Variants in P4HA2 observed in about 807,000 individuals in gnomAD.
P4HA2 encodes prolyl 4-hydroxylase subunit alpha 2, also known as prolyl 4-hydroxylase subunit alpha-2.
Under a neutral mutation model 76.9 loss-of-function variants are expected in P4HA2, and 46 were observed. That is an observed-to-expected ratio of 0.60 (90% CI 0.47 to 0.76). The LOEUF is 0.76. P4HA2 is among the 30% of genes least tolerant of loss of function. The pLI, the probability that P4HA2 is intolerant of heterozygous loss-of-function variation, is 0.00. For missense variants in P4HA2, 583 were observed against 669.4 expected (o/e 0.87, Z 1.42); for synonymous variants, 243 against 254.0 (o/e 0.96, Z 0.41).
chr5:132,209,410 G>T lies in P4HA2; in HGVS notation c.710-79C>A, dbSNP rs1174240198. ...CATTTAGAGAAATTATTCTGTAAGG[G>T]TTTCTCTCCCAGCAGCTCACCTGCA... On this transcript the variant is annotated intron_variant, in intron 6 of 14. Coordinates refer to ENST00000360568, the MANE Select transcript of P4HA2 (RefSeq NM_001017974.2). 68 of 1,176,880 alleles carry T rather than the reference G, an allele frequency of 5.8e-5. 1 individual carries two copies. The South Asian group carries it at 9.0e-4, about 16-fold the overall frequency. 72.9% of individuals were successfully genotyped at this position (1,176,880 alleles called of 1,614,324 possible).
At chr5:132,211,589 A>G (rs1475590309) in intron 5 of P4HA2, among the ~76,000 whole-genome samples, 2 of 152,192 alleles carry the variant, frequency 1.3e-5, no homozygotes, top group Non-Finnish European at 2.9e-5. Flanking sequence ...GACAGTAAAC[A>G]CAAGATGAAG....
rs756665007 is a variant in P4HA2, at chr5:132,203,717, C to T, written c.1251+31G>A. 4.2e-6 allele frequency: 6 copies of T among 1,430,106 alleles called. No homozygotes were observed. In the Admixed American group the frequency reaches 1.0e-4, roughly 24 times the overall value. 88.6% of individuals were successfully genotyped at this position (1,430,106 alleles called of 1,614,324 possible). On this transcript the variant is annotated intron_variant, in intron 10 of 14. Transcript: ENST00000360568. ...CATCTAGCCACAAATACCCACTTCCCAACTCCTACAGTCCCAGGTACTATC... is the reference window on the plus strand; with the variant it reads ...CATCTAGCCACAAATACCCACTTCCTAACTCCTACAGTCCCAGGTACTATC...
chr5:132,205,399 C>CA (rs1295170914), intron 8 of P4HA2, among the ~76,000 whole-genome samples: 2 of 152,070 alleles, frequency 1.3e-5, no homozygotes, highest in African/African-American at 2.4e-5. Context: ...AAGAGACAAG[C>CA]AGGGGCTAGG....
intron 5 of P4HA2, among the ~76,000 whole-genome samples, chr5:132,211,931 C>G (rs1433897622): frequency 6.6e-6 from 1 of 152,120 alleles, no homozygotes; most frequent in Non-Finnish European, 1.5e-5. Flanking sequence ...TGCTAATGAC[C>G]AGTAGCTATT....
rs1183551164 is a variant in P4HA2 at position 132,190,311 on chromosome 5, C to T, written c.*2699G>A. On this transcript the variant is annotated 3_prime_UTR_variant, in exon 15 of 15. Transcript: ENST00000360568. ...AGCTGCAAGCTCATCCTTGTAGTCT[C>T]TACTGTTCTACTGTAGCTGCCACTC... 6.6e-6 allele frequency among the ~76,000 whole-genome samples: 1 copy of T among 152,176 alleles called. No individual in the cohort carries two copies. Among genetic ancestry groups the T allele is most frequent in the Non-Finnish European group, 1.5e-5 (1 of 68,036 alleles).
At position 132,209,304 on chromosome 5, in the gene P4HA2, T is replaced by G. The variant is rs201482279; in HGVS notation, c.737A>C (p.Asn246Thr). Residue 246 changes from asparagine (N) to threonine (T), a missense_variant, in exon 7 of 15, where the codon AAT becomes ACT. Asn to Thr is a moderately conservative substitution (Grantham distance 65, BLOSUM62 0). Transcript: ENST00000360568. ...LDPSHERAGG[N>T]LRYFEQLLEE... ...CAATAACTGCTCAAAGTACCGCAGA[T>G]TCCCTCCAGCTCGTTCGTGGCTTGG... The G allele has an allele frequency of 6.2e-7, 1 of 1,614,084 alleles. No homozygotes were observed. The highest frequency in any genetic ancestry group is 1.1e-5 in the South Asian group (1 of 91,046).
chr5:132,207,070 T>A (rs1027511251), intron 8 of P4HA2, among the ~76,000 whole-genome samples: 1 of 152,222 alleles, frequency 6.6e-6, no homozygotes, highest in Non-Finnish European at 1.5e-5. Flanking sequence ...TCAGTAAACA[T>A]TAGCTCTTAC....
intron 11 of P4HA2, 32 bp downstream of exon 11, chr5:132,198,847 C>A (rs1399711350): frequency 6.6e-7 from 1 of 1,507,240 alleles, no homozygotes; most frequent in Non-Finnish European, 9.2e-7. Flanking sequence ...TAGAGCAGGG[C>A]CCTTTGAAAG....
chr5:132,198,418 G>A (rs202120530), intron 11 of P4HA2, 38 bp from the exon 12 acceptor site: 23 of 1,598,770 alleles, frequency 1.4e-5, no homozygotes, highest in Middle Eastern at 4.4e-4. Flanking sequence ...GTTTACAACA[G>A]GCTTCATCCA....
intron 4 of P4HA2, 140 bp from the exon 5 acceptor site, chr5:132,214,193 C>G: frequency 1.3e-6 from 1 of 783,920 alleles, no homozygotes; most frequent in South Asian, 1.8e-5. Context: ...TTGCCCCCTT[C>G]CACCAGGAAG....
At chr5:132,211,487 G>T (rs543667954) in intron 5 of P4HA2, among the ~76,000 whole-genome samples, 14 of 152,332 alleles carry the variant, frequency 9.2e-5, no homozygotes, top group African/African-American at 3.4e-4. Context: ...TGCCTGGAAT[G>T]AAACCACTAC....
At chr5:132,218,706 G>C in intron 1 of P4HA2, 62 bp from the exon 2 acceptor site, 1 of 961,908 alleles carries the variant, frequency 1.0e-6, no homozygotes, top group Non-Finnish European at 1.7e-6. Context: ...TTTAGGTGAG[G>C]AGACACATAG....
rs146149013 is a variant in P4HA2, at chr5:132,197,343, C to T, written c.1365+978G>A. ...ACCAGAATGGCAGGGCGCAGTGGCTCACGCCTGTAATCCCAGCACTTTGGG... is the reference window on the plus strand; with the variant it reads ...ACCAGAATGGCAGGGCGCAGTGGCTTACGCCTGTAATCCCAGCACTTTGGG... On this transcript the variant is annotated intron_variant, in intron 12 of 14. Transcript: ENST00000360568. Among the ~76,000 whole-genome samples the T allele has an allele frequency of 5.8e-3, 878 of 152,294 alleles. 9 individuals are homozygous for T. The highest frequency in any genetic ancestry group is 0.02 in the African/African-American group (834 of 41,572).
rs1382752505 is a variant in P4HA2, at chr5:132,218,811, G to A, written c.-18-167C>T. The A allele has an allele frequency of 2.4e-5, 13 of 550,090 alleles. 1 individual carries two copies. The highest frequency in any genetic ancestry group is 1.2e-4 in the South Asian group (6 of 52,012). The allele number at this position is 550,090 out of a possible 1,614,324, so 34.1% of individuals were successfully genotyped here. On this transcript the variant is annotated intron_variant, in intron 1 of 14. Coordinates refer to ENST00000360568, the MANE Select transcript of P4HA2 (RefSeq NM_001017974.2). ...ACAAACAGCAGAAAGAACAAAGAGC[G>A]TGCAGCCAGTGATGTGTGCTCAATT...
chr5:132,194,137 G>T (rs899466850), intron 14 of P4HA2, among the ~76,000 whole-genome samples: 1 of 151,694 alleles, frequency 6.6e-6, no homozygotes, highest in East Asian at 1.9e-4. Flanking sequence ...TCCAGTACAG[G>T]TAAATCATAA....
intron 8 of P4HA2, among the ~76,000 whole-genome samples, chr5:132,205,813 AC>A (rs1223619666): frequency 6.6e-6 from 1 of 152,092 alleles, no homozygotes; most frequent in Admixed American, 6.5e-5. Context: ...CCACAGCCAG[AC>A]CCCATCCAAA....
In P4HA2 at chr5:132,194,239, G is replaced by A. The variant is rs115183482; in HGVS notation, c.1531+687C>T. On this transcript the variant is annotated intron_variant, in intron 14 of 14. Transcript: ENST00000360568. ...AGATTATACTTACATTTCCTTTCTT[G>A]TACAACTTTTTTTCCCCTGAATTCA... Among the ~76,000 whole-genome samples, 581 of 152,078 alleles carry A rather than the reference G, an allele frequency of 3.8e-3. 1 individual carries two copies. The highest frequency in any genetic ancestry group is 0.013 in the South Asian group (64 of 4,812).
intron 4 of P4HA2, among the ~76,000 whole-genome samples, chr5:132,215,644 G>A (rs1294431501): frequency 6.6e-6 from 1 of 152,186 alleles, no homozygotes; most frequent in Non-Finnish European, 1.5e-5. Flanking sequence ...CAGCTAGTCT[G>A]AAGTTAATCA....
chr5:132,227,139 G>GGAA (rs1465608960), intron 1 of P4HA2: 1 of 152,402 alleles, frequency 6.6e-6, no homozygotes, highest in Non-Finnish European at 1.5e-5. Flanking sequence ...TGTCCCACTG[G>GGAA]GTTAGCAACT....
Sources: gnomAD v4.1 joint callset for allele counts (sites outside exome capture counted in the v4.1 genomes callset) on GRCh38, gnomAD v4.1.1 for gene constraint, MANE v1.5 for transcripts, NCBI Gene and HGNC (gene_info 2026-07-23, HGNC 2026-07-21) for gene names.